CPNE5: variants seen among roughly 807,000 people sequenced by gnomAD.
CPNE5 encodes copine 5, also known as copine-5.
A neutral mutation model predicts 81.1 loss-of-function variants in CPNE5; 42 were observed. The ratio of observed to expected loss-of-function variants is 0.52; its 90% confidence interval spans 0.40 to 0.67. The LOEUF (loss-of-function observed/expected upper bound fraction) is 0.67, where lower values mean the gene tolerates loss of function less well. Ranked by LOEUF, CPNE5 falls within the 30% of genes least tolerant of loss-of-function variation. The probability of loss-of-function intolerance (pLI) is 0.00; values close to 1 mark genes in which losing one functional copy is unlikely to be tolerated. For missense variants in CPNE5, 612 were observed against 815.5 expected (o/e 0.75, Z 3.04); for synonymous variants, 313 against 321.5 (o/e 0.97, Z 0.28).
Position 36,747,128 on chromosome 6 carries a change from G to A in CPNE5, c.1019-551C>T, listed in dbSNP as rs557301391. Among the ~76,000 whole-genome samples the A allele has an allele frequency of 2.6e-5, 4 of 152,030 alleles. No homozygotes were observed. In the South Asian group the frequency reaches 8.3e-4, roughly 32 times the overall value. On this transcript the variant is annotated intron_variant, in intron 15 of 20. Coordinates refer to ENST00000244751, the MANE Select transcript of CPNE5 (RefSeq NM_020939.2). ...CTCTTCCCCAGATGTCCACTCCCTG[G>A]CCCGCTCCCTGGCCTCTTCAGGTCT...
At chr6:36,807,763 G>A (rs960882755) in intron 3 of CPNE5, among the ~76,000 whole-genome samples, 16 of 152,208 alleles carry the variant, frequency 1.1e-4, no homozygotes, top group Admixed American at 4.6e-4. Flanking sequence ...CCCTTTGCTC[G>A]AACAAACCGA....
At chr6:36,820,940 C>T (rs1211535510) in intron 3 of CPNE5, among the ~76,000 whole-genome samples, 2 of 150,680 alleles carry the variant, frequency 1.3e-5, no homozygotes, top group Non-Finnish European at 3.0e-5. Context: ...GAGGAAGACA[C>T]TGTCTCAAGG....
chr6:36,770,960 G>A (rs1187898459), intron 10 of CPNE5, among the ~76,000 whole-genome samples: 1 of 152,074 alleles, frequency 6.6e-6, no homozygotes. Context: ...ATTTCTGTCG[G>A]TGGTGCCACC....
At chr6:36,747,728 T>C (rs1764336849) in intron 15 of CPNE5, among the ~76,000 whole-genome samples, 3 of 152,216 alleles carry the variant, frequency 2.0e-5, no homozygotes, top group Non-Finnish European at 4.4e-5. Context: ...TTGCTCCTAG[T>C]GACTCAGCCA....
chr6:36,791,180 T>C (rs1769061817), intron 8 of CPNE5, among the ~76,000 whole-genome samples: 1 of 152,140 alleles, frequency 6.6e-6, no homozygotes, highest in South Asian at 2.1e-4. Flanking sequence ...TAGCCACTCT[T>C]AGGTTAGATG....
intron 3 of CPNE5, among the ~76,000 whole-genome samples, chr6:36,815,621 G>T (rs373690485): frequency 1.3e-5 from 2 of 152,344 alleles, no homozygotes; most frequent in South Asian, 2.1e-4. Flanking sequence ...AAGCTACCCA[G>T]TTTATGGTAT....
chr6:36,793,301 A>G (rs1461938682), intron 7 of CPNE5, among the ~76,000 whole-genome samples: 2 of 152,130 alleles, frequency 1.3e-5, no homozygotes. Flanking sequence ...TCAGGTGAGC[A>G]GAGCGGGGGC....
At chr6:36,784,937 A>G (rs1369703696) in intron 8 of CPNE5, among the ~76,000 whole-genome samples, 1 of 134,248 alleles carries the variant, frequency 7.4e-6, no homozygotes, top group Non-Finnish European at 1.6e-5. Context: ...TCAAAAACAA[A>G]GAGAGAGAGA....
At position 36,742,478 on chromosome 6, in the gene CPNE5, G is replaced by A. The variant is rs1037358771; in HGVS notation, c.1572C>T (p.Pro524=). The A allele has an allele frequency of 8.7e-6, 14 of 1,611,618 alleles. No individual in the cohort carries two copies. The highest frequency in any genetic ancestry group is 1.2e-5 in the Non-Finnish European group (14 of 1,179,566). The change falls in exon 21 of 21, where the codon CCC becomes CCT. Residue 524 remains proline, a synonymous_variant. Coordinates refer to ENST00000244751, the MANE Select transcript of CPNE5 (RefSeq NM_020939.2). ...CTGTGCGGTCCACGTAGTCCCGGAA[G>A]GGTACAAACTGGCAAGTGGGAGGGC... ...LAERDIVQFV[P]FRDYVDRTGN... is the part of the protein sequence containing the mutation.
At chr6:36,830,373 C>T (rs1474054374) in intron 1 of CPNE5, among the ~76,000 whole-genome samples, 3 of 152,106 alleles carry the variant, frequency 2.0e-5, no homozygotes, top group Non-Finnish European at 2.9e-5. Context: ...TCCTCCTGCC[C>T]AGCTCCCAGA....
At chr6:36,804,530 G>A (rs1420371680) in intron 3 of CPNE5, among the ~76,000 whole-genome samples, 1 of 152,156 alleles carries the variant, frequency 6.6e-6, no homozygotes, top group African/African-American at 2.4e-5. Context: ...CTTTAAGGAA[G>A]GGACTTACTT....
At position 36,765,751 on chromosome 6, in the gene CPNE5, C is replaced by T. The variant is rs115107983; in HGVS notation, c.738-375G>A. ...GCGGGGAGGTGGGAGTGTGGTGCTC[C>T]CTGGATCTCAGGCCCCGGCAGGGTG... On this transcript the variant is annotated intron_variant, in intron 10 of 20. Transcript: ENST00000244751. Among the ~76,000 whole-genome samples the T allele has an allele frequency of 5.3e-3, 800 of 151,926 alleles. 2 individuals are homozygous for T. Among genetic ancestry groups the T allele is most frequent in the Non-Finnish European group, 8.2e-3 (554 of 67,940 alleles).
intron 3 of CPNE5, among the ~76,000 whole-genome samples, chr6:36,820,974 A>G (rs1348422312): frequency 2.0e-5 from 3 of 151,994 alleles, no homozygotes; most frequent in Admixed American, 2.0e-4. Context: ...AAACCAGGGT[A>G]TGGGAGATGA....
chr6:36,777,796 A>G lies in CPNE5; in HGVS notation c.632+1058T>C, dbSNP rs1447986548. ...CACACACACACACACACACACACAC[A>G]CACACAATTTCAAGGGGAATTGGAT... On this transcript the variant is annotated intron_variant, in intron 9 of 20. Transcript: ENST00000244751. Among the ~76,000 whole-genome samples, 71 of 72,656 alleles carry G rather than the reference A, an allele frequency of 9.8e-4. 1 individual carries two copies. The highest frequency in any genetic ancestry group is 3.4e-3 in the African/African-American group (68 of 20,124). The allele number at this position is 72,656 out of a possible 152,430, so 47.7% of individuals were successfully genotyped here. A position where few individuals can be genotyped will look rare whatever the true frequency, so the allele number is the denominator to read the frequency against.
intron 8 of CPNE5, among the ~76,000 whole-genome samples, chr6:36,785,361 A>C (rs566775603): frequency 7.0e-4 from 106 of 152,300 alleles, no homozygotes; most frequent in African/African-American, 2.4e-3. Flanking sequence ...GTCATCAAAA[A>C]ATTTTTTTTA....
At chr6:36,770,185 G>A (rs1766932529) in intron 10 of CPNE5, among the ~76,000 whole-genome samples, 1 of 152,166 alleles carries the variant, frequency 6.6e-6, no homozygotes, top group Non-Finnish European at 1.5e-5. Context: ...AGGTCACTCA[G>A]GTTTGGCCTT....
chr6:36,784,368 C>A (rs1248495120), intron 8 of CPNE5, among the ~76,000 whole-genome samples: 6 of 152,242 alleles, frequency 3.9e-5, no homozygotes, highest in Non-Finnish European at 8.8e-5. Flanking sequence ...GGTACCCATG[C>A]CACAGGGAAG....
chr6:36,760,800 G>A (rs1765950602), intron 12 of CPNE5, among the ~76,000 whole-genome samples: 1 of 152,180 alleles, frequency 6.6e-6, no homozygotes, highest in Non-Finnish European at 1.5e-5. Flanking sequence ...ATAGGAGCCT[G>A]ACACTAGGGC....
At chr6:36,786,727 T>C (rs913473926) in intron 8 of CPNE5, among the ~76,000 whole-genome samples, 18 of 152,210 alleles carry the variant, frequency 1.2e-4, no homozygotes, top group African/African-American at 4.3e-4. Flanking sequence ...TCTAAAAATG[T>C]ATAATGATAC....
Sources: gnomAD v4.1 joint callset for allele counts (sites outside exome capture counted in the v4.1 genomes callset) on GRCh38, gnomAD v4.1.1 for gene constraint, MANE v1.5 for transcripts, NCBI Gene and HGNC (gene_info 2026-07-23, HGNC 2026-07-21) for gene names.